Variants in FKBP9 observed in about 807,000 individuals in gnomAD.
The protein encoded by FKBP9 is peptidyl-prolyl cis-trans isomerase FKBP9.
In FKBP9, 27 loss-of-function variants were observed where a neutral mutation model predicts 55.6. That is an observed-to-expected ratio of 0.49 (90% confidence interval 0.36 to 0.67). The LOEUF is 0.67. FKBP9 is among the 30% of genes least tolerant of loss of function. The pLI is 0.00. For missense variants in FKBP9, 539 were observed against 742.8 expected, an observed-to-expected ratio of 0.73 and a Z score of 3.19; for synonymous variants, 267 against 296.5, an observed-to-expected ratio of 0.90 and a Z score of 1.02.
At chr7:32,959,160 C>T (rs1220431291) in intron 1 of FKBP9, among the ~76,000 whole-genome samples, 1 of 149,206 alleles carries the variant, frequency 6.7e-6, no homozygotes, top group Non-Finnish European at 1.5e-5. Flanking sequence ...AATCCCAGCA[C>T]TTTGGGAGGC....
chr7:32,986,906 A>G (rs1201541888), intron 5 of FKBP9, among the ~76,000 whole-genome samples: 2 of 152,132 alleles, frequency 1.3e-5, no homozygotes, highest in African/African-American at 4.8e-5. Flanking sequence ...GTCCAGTTTG[A>G]TAGTGGACTT....
chr7:32,994,651 G>T (rs1418627162), intron 6 of FKBP9, among the ~76,000 whole-genome samples: 1 of 151,528 alleles, frequency 6.6e-6, no homozygotes, highest in Non-Finnish European at 1.5e-5. Context: ...TAAAGCACAC[G>T]CTTCTCAAAT....
intron 7 of FKBP9, among the ~76,000 whole-genome samples, chr7:32,999,125 C>T (rs1019040368): frequency 6.6e-6 from 1 of 152,054 alleles, no homozygotes; most frequent in African/African-American, 2.4e-5. Flanking sequence ...TGGGGTTCCT[C>T]CCAGGTGGGA....
At chr7:32,973,682 GTTTTTTTT>G (rs745717239) in intron 1 of FKBP9, among the ~76,000 whole-genome samples, 138 of 64,964 alleles carry the variant, frequency 2.1e-3, no homozygotes, top group African/African-American at 6.6e-3. Context: ...GTTTTTTGTT[GTTTTTTTT>G]TTTTTTTTTT....
chr7:33,001,198 T>C (rs1225678715), intron 8 of FKBP9, among the ~76,000 whole-genome samples: 2 of 152,164 alleles, frequency 1.3e-5, no homozygotes, highest in Non-Finnish European at 1.5e-5. Flanking sequence ...CGTAAAAGAA[T>C]TGTAAAGTAC....
chr7:32,996,220 A>G lies in FKBP9; in HGVS notation c.1097A>G (p.Asn366Ser). 1 of 1,613,854 alleles carries G rather than the reference A, an allele frequency of 6.2e-7. No homozygotes were observed. The highest frequency in any genetic ancestry group is 8.5e-7 in the Non-Finnish European group (1 of 1,179,944). The change falls in exon 7 of 10, where the codon AAC becomes AGC. Residue 366 changes from asparagine (N) to serine (S), a missense_variant. By Grantham distance (46) the Asn-to-Ser change is conservative. Around this residue, in one of 4 missense-constraint regions of FKBP9, gnomAD observed 172 missense variants for 205.3 expected, o/e 0.84. Transcript: ENST00000242209. The part of the protein sequence containing the change: ...VFDIHVIDFH[N>S]PSDSISITSH... Reference sequence around the variant, plus strand: ...GACATCCATGTGATCGACTTCCACAACCCTTCGGACTCCATCAGCATCACC... The same window carrying G: ...GACATCCATGTGATCGACTTCCACAGCCCTTCGGACTCCATCAGCATCACC...
At chr7:32,963,401 T>C in intron 1 of FKBP9, 1 of 398,138 alleles carries the variant, frequency 2.5e-6, no homozygotes. Context: ...TTCAGAATCT[T>C]GTGAAGGGAA....
At chr7:32,988,323 TG>T (rs1784614397) in intron 5 of FKBP9, among the ~76,000 whole-genome samples, 183 bp from the exon 6 acceptor site, 1 of 152,170 alleles carries the variant, frequency 6.6e-6, no homozygotes, top group African/African-American at 2.4e-5. Flanking sequence ...ACATGCTGTG[TG>T]GGGGTTCTTA....
chr7:32,968,575 CTTT>C (rs571695241), intron 1 of FKBP9, among the ~76,000 whole-genome samples: 3 of 142,508 alleles, frequency 2.1e-5, no homozygotes, highest in Admixed American at 7.0e-5. Context: ...CTTTTTCTTT[CTTT>C]TTTTTTTTTT....
intron 9 of FKBP9, among the ~76,000 whole-genome samples, chr7:33,003,193 A>G (rs1365141945): frequency 6.6e-6 from 1 of 152,158 alleles, no homozygotes; most frequent in South Asian, 2.1e-4. Context: ...CTGCACAGAG[A>G]AGGTAAATGA....
chr7:32,986,601 C>G (rs1784585656), intron 5 of FKBP9, among the ~76,000 whole-genome samples: 1 of 152,226 alleles, frequency 6.6e-6, no homozygotes, highest in Non-Finnish European at 1.5e-5. Flanking sequence ...GGGGGACTCA[C>G]AGCCTCGTCT....
intron 4 of FKBP9, among the ~76,000 whole-genome samples, chr7:32,977,870 C>CATGTGTATATAT (rs780985630): frequency 8.0e-6 from 1 of 124,660 alleles, no homozygotes; most frequent in African/African-American, 3.2e-5. Context: ...TATACATGCC[C>CATGTGTATATAT]ATATATATAT....
chr7:32,982,419 A>T (rs560869070), intron 5 of FKBP9, among the ~76,000 whole-genome samples: 1 of 152,286 alleles, frequency 6.6e-6, no homozygotes, highest in South Asian at 2.1e-4. Context: ...TTACTAGGGA[A>T]CAAGGTGGTG....
chr7:32,986,344 G>A (rs1363873057), intron 5 of FKBP9, among the ~76,000 whole-genome samples: 5 of 152,206 alleles, frequency 3.3e-5, no homozygotes, highest in Non-Finnish European at 7.3e-5. Context: ...TCCCTTTGTC[G>A]GGAGCCCACC....
intron 1 of FKBP9, among the ~76,000 whole-genome samples, chr7:32,967,568 T>C (rs1784168611): frequency 6.6e-6 from 1 of 152,240 alleles, no homozygotes; most frequent in Non-Finnish European, 1.5e-5. Flanking sequence ...ATTTCCTTCC[T>C]TTTTAAGGCG....
rs768610062 is a variant in FKBP9 at position 32,996,227 on chromosome 7, G to A, written c.1104G>A (p.Ser368=). The A allele has an allele frequency of 2.5e-5, 40 of 1,613,906 alleles. No homozygotes were observed. Among genetic ancestry groups the A allele is most frequent in the African/African-American group, 2.4e-4 (18 of 74,870 alleles). The change falls in exon 7 of 10, where the codon TCG becomes TCA. Residue 368 remains serine (S), a synonymous_variant. Coordinates refer to ENST00000242209, the MANE Select transcript of FKBP9 (RefSeq NM_007270.5). The stretch of plus-strand genomic sequence containing the variant: ...ATGTGATCGACTTCCACAACCCTTC[G>A]GACTCCATCAGCATCACCTCCCACT... ...DIHVIDFHNP[S]DSISITSHYK... is the part of the protein sequence containing the mutation.
rs1220937920 is a variant in FKBP9, at chr7:32,996,650, C to CTTCCT, written c.1226+303_1226+307dup. Among the ~76,000 whole-genome samples, 9 of 148,320 alleles carry CTTCCT rather than the reference C, an allele frequency of 6.1e-5. No homozygotes were observed. The Admixed American group carries it at 6.1e-4, about 10-fold the overall frequency. On this transcript the variant is annotated intron_variant, in intron 7 of 9. Transcript: ENST00000242209. ...CCTTCCTTCCTTCCTTCCTTCCTTCCTTCCTTCCTTGCTCCCTCCCTCCCT... is the reference window on the plus strand; with the variant it reads ...CCTTCCTTCCTTCCTTCCTTCCTTCCTTCCTTTCCTTCCTTGCTCCCTCCCTCCCT...
chr7:33,003,545 C>T (rs373212994), intron 9 of FKBP9, among the ~76,000 whole-genome samples: 5 of 152,324 alleles, frequency 3.3e-5, no homozygotes, highest in African/African-American at 2.4e-5. Context: ...CTCTCCTAAA[C>T]CCACTCCTTT....
Position 32,980,377 on chromosome 7 carries a change from C to G in FKBP9, c.717C>G (p.Pro239=), listed in dbSNP as rs762472832. 3 of 1,610,534 alleles carry G rather than the reference C, an allele frequency of 1.9e-6. No homozygotes were observed. The highest frequency in any genetic ancestry group is 2.2e-5 in the East Asian group (1 of 44,818). Residue 239 remains proline, a synonymous_variant, in exon 5 of 10, where the codon CCC becomes CCG. Coordinates refer to ENST00000242209, the MANE Select transcript of FKBP9 (RefSeq NM_007270.5). ...YGEDGDGKDI[P]GQASLVFDVA... ...ATTCCATTCTAGGGAAAGACATTCC[C>G]GGTCAGGCATCTCTGGTGTTTGATG...
Sources: gnomAD v4.1 joint callset for allele counts (sites outside exome capture counted in the v4.1 genomes callset) on GRCh38, gnomAD v4.1.1 for gene constraint, gnomAD v4.1.1 regional missense constraint, MANE v1.5 for transcripts, NCBI Gene and HGNC (gene_info 2026-07-23, HGNC 2026-07-21) for gene names.